Variants in PDZD9 observed in about 807,000 individuals in gnomAD.
The protein encoded by PDZD9 is PDZ domain-containing protein 9.
A neutral mutation model predicts 16.3 loss-of-function variants in PDZD9; 13 were observed. The ratio of observed to expected loss-of-function variants is 0.80; its 90% CI spans 0.52 to 1.27. The LOEUF (loss-of-function observed/expected upper bound fraction) is 1.27, where lower values mean the gene tolerates loss of function less well. PDZD9 is among the 50% of genes most tolerant of loss of function. PDZD9 has a pLI of 0.00. For missense variants in PDZD9, 288 were observed against 310.9 expected (o/e 0.93, Z 0.55); for synonymous variants, 120 against 111.0 (o/e 1.08, Z -0.51).
At chr16:21,984,821 C>T (rs1418533022) in intron 3 of PDZD9, among the ~76,000 whole-genome samples, 161 bp from the exon 4 acceptor site, 1 of 152,136 alleles carries the variant, frequency 6.6e-6, no homozygotes, top group African/African-American at 2.4e-5. Flanking sequence ...TTTAAATCGT[C>T]TTGAAATCTT....
At chr16:22,000,486 G>T (rs1265613689) in intron 1 of PDZD9, among the ~76,000 whole-genome samples, 1 of 152,052 alleles carries the variant, frequency 6.6e-6, no homozygotes, top group Non-Finnish European at 1.5e-5. Flanking sequence ...TCTTGATGGA[G>T]GGGGTGGTTC....
intron 3 of PDZD9, 101 bp downstream of exon 3, chr16:21,988,501 A>G (rs1198881711): frequency 1.3e-5 from 13 of 1,010,402 alleles, no homozygotes; most frequent in Non-Finnish European, 1.9e-5. Context: ...TCCTCCTGTC[A>G]TGATCCTTAT....
rs752392435 is a variant in PDZD9, at chr16:21,984,529, C to T, written c.533G>A (p.Arg178Lys). Residue 178 changes from arginine (R) to lysine (K), a missense_variant, in exon 4 of 4, where the codon AGA becomes AAA. By Grantham distance (26) the Arg-to-Lys change is conservative. Coordinates refer to ENST00000424898, the MANE Select transcript of PDZD9 (RefSeq NM_001363519.1). ...PWSTVHHPAR[R>K]PISISRDWHG... Reference sequence around the variant, plus strand: ...CCAGTCTCTGGAGATGGATATTGGTCTCCTTGCAGGGTGATGCACAGTTGA... The same window carrying T: ...CCAGTCTCTGGAGATGGATATTGGTTTCCTTGCAGGGTGATGCACAGTTGA... 3.1e-6 allele frequency: 5 copies of T among 1,607,308 alleles called. No homozygotes were observed. Among genetic ancestry groups the T allele is most frequent in the Middle Eastern group, 1.7e-4 (1 of 6,040 alleles).
At chr16:21,959,458 C>T in the PDZD9 span, 1 of 167,798 alleles carries the variant, frequency 6.0e-6, no homozygotes, top group Non-Finnish European at 1.3e-5. Context: ...GCCATTCAGT[C>T]ACATCTTCAG....
downstream of PDZD9, chr16:21,983,232 A>G (rs1352489422): frequency 4.1e-6 from 6 of 1,480,142 alleles, no homozygotes; most frequent in South Asian, 1.2e-5. Context: ...CAGCAAACAC[A>G]TGAAAGTCAG....
chr16:21,965,506 G>T, the PDZD9 span: 1 of 1,575,248 alleles, frequency 6.3e-7, no homozygotes, highest in Non-Finnish European at 8.6e-7. Context: ...ATCAGAGGAG[G>T]TACCAATAAA....
the PDZD9 span, among the ~76,000 whole-genome samples, chr16:21,965,893 A>G: frequency 6.6e-6 from 1 of 152,166 alleles, no homozygotes; most frequent in Admixed American, 6.5e-5. Context: ...TGTGTTGCCT[A>G]GGCTGGTCTT....
intron 1 of PDZD9, among the ~76,000 whole-genome samples, chr16:21,996,819 G>A (rs1952273890): frequency 6.6e-6 from 1 of 152,126 alleles, no homozygotes; most frequent in African/African-American, 2.4e-5. Flanking sequence ...CAAAACAGAT[G>A]TGTTGGGTTT....
At chr16:21,967,751 G>C in the PDZD9 span, among the ~76,000 whole-genome samples, 4 of 152,126 alleles carry the variant, frequency 2.6e-5, no homozygotes, top group African/African-American at 7.2e-5. Context: ...TGATCTTACA[G>C]TTTCGACACC....
chr16:21,971,899 C>T, the PDZD9 span: 1 of 1,612,410 alleles, frequency 6.2e-7, no homozygotes, highest in Non-Finnish European at 8.5e-7. Context: ...TTTCTTCTTC[C>T]CTCTATCCTT....
chr16:21,983,781 A>G (rs1170476653), downstream of PDZD9: 3 of 153,508 alleles, frequency 2.0e-5, no homozygotes, highest in African/African-American at 7.2e-5. Context: ...CCAAATAATT[A>G]ACTCTCAATT....
intron 3 of PDZD9, among the ~76,000 whole-genome samples, chr16:21,985,713 C>A (rs189201367): frequency 3.9e-5 from 6 of 152,324 alleles, no homozygotes; most frequent in Admixed American, 2.6e-4. Flanking sequence ...TAGGTTTCTT[C>A]CCTGCCAACC....
At chr16:21,988,950 A>C (rs1416419659) in intron 2 of PDZD9, among the ~76,000 whole-genome samples, 159 bp from the exon 3 acceptor site, 1 of 87,372 alleles carries the variant, frequency 1.1e-5, no homozygotes, top group Non-Finnish European at 2.0e-5. Context: ...TTTTTTTTTG[A>C]GATGAAGTCT....
chr16:21,969,398 G>A, the PDZD9 span, among the ~76,000 whole-genome samples: 1 of 152,176 alleles, frequency 6.6e-6, no homozygotes, highest in Non-Finnish European at 1.5e-5. Flanking sequence ...GTCGGGCATG[G>A]TGACACATGC....
At chr16:21,988,844 T>C (rs1597977662) in intron 2 of PDZD9, 53 bp from the exon 3 acceptor site, 1 of 1,412,022 alleles carries the variant, frequency 7.1e-7, no homozygotes, top group East Asian at 2.4e-5. Context: ...AAAGGGACTA[T>C]ATTGATTTCT....
chr16:21,977,788 C>T, the PDZD9 span, among the ~76,000 whole-genome samples: 1 of 152,172 alleles, frequency 6.6e-6, no homozygotes, highest in Non-Finnish European at 1.5e-5. Flanking sequence ...AGAATTACAA[C>T]CCAGGATGGA....
At chr16:21,978,876 C>G (rs780845464), downstream of PDZD9, among the ~76,000 whole-genome samples, 1 of 152,104 alleles carries the variant, frequency 6.6e-6, no homozygotes, top group African/African-American at 2.4e-5. Flanking sequence ...TTGGTGAAAA[C>G]AAACAGGCCC....
At chr16:21,980,818 T>A, downstream of PDZD9, 2 of 1,214,944 alleles carry the variant, frequency 1.6e-6, no homozygotes, top group Non-Finnish European at 2.2e-6. Context: ...GGTGCTCATC[T>A]ACTTAATGTG....
At chr16:21,974,718 AAG>A in the PDZD9 span, among the ~76,000 whole-genome samples, 1 of 152,208 alleles carries the variant, frequency 6.6e-6, no homozygotes, top group East Asian at 1.9e-4. Context: ...ATTAGGTTGA[AAG>A]AGACATACTG....
Sources: allele counts gnomAD v4.1 joint callset (sites outside exome capture counted in the v4.1 genomes callset), GRCh38; gene constraint gnomAD v4.1.1; transcripts MANE v1.5; gene names NCBI Gene and HGNC (gene_info 2026-07-23, HGNC 2026-07-21).